Variants in KATNAL1 observed in about 807,000 individuals in gnomAD.
KATNAL1 encodes the protein katanin p60 ATPase-containing subunit A-like 1.
KATNAL1 carries 32 observed loss-of-function variants against 55.2 expected under a neutral mutation model. The ratio of observed to expected loss-of-function variants is 0.58; its 90% CI spans 0.44 to 0.78. KATNAL1 has a LOEUF of 0.78. Among genes scored for constraint, KATNAL1 ranks in the 30% least tolerant of loss-of-function variants. The probability of loss-of-function intolerance (pLI) is 0.00; values close to 1 mark genes in which losing one functional copy is unlikely to be tolerated. For synonymous variants in KATNAL1, 193 were observed against 193.6 expected (o/e 1.00, Z 0.02); for missense variants, 466 against 600.9 (o/e 0.78, Z 2.35).
At chr13:30,267,926 G>C (rs755576031) in intron 3 of KATNAL1, among the ~76,000 whole-genome samples, 2 of 152,178 alleles carry the variant, frequency 1.3e-5, no homozygotes, top group Non-Finnish European at 2.9e-5. Context: ...AAGTTGAATT[G>C]AGACTACCAC....
intron 3 of KATNAL1, among the ~76,000 whole-genome samples, chr13:30,274,952 C>CACACACACAG (rs1555265663): frequency 2.8e-5 from 4 of 144,490 alleles, no homozygotes; most frequent in African/African-American, 1.1e-4. Flanking sequence ...CACACACACA[C>CACACACACAG]AGGAATATTA....
chr13:30,219,898 T>C (rs747563468), intron 9 of KATNAL1, among the ~76,000 whole-genome samples: 1 of 152,208 alleles, frequency 6.6e-6, no homozygotes, highest in Non-Finnish European at 1.5e-5. Context: ...TATACCAATA[T>C]AAAGTATGTC....
intron 3 of KATNAL1, among the ~76,000 whole-genome samples, chr13:30,270,237 C>T (rs866645406): frequency 1.4e-4 from 19 of 138,818 alleles, no homozygotes; most frequent in East Asian, 1.1e-3. Flanking sequence ...CCGCCCCGTC[C>T]GGGAGGGAGG....
intron 9 of KATNAL1, among the ~76,000 whole-genome samples, chr13:30,217,322 C>T (rs528113054): frequency 1.6e-3 from 246 of 152,088 alleles, no homozygotes; most frequent in African/African-American, 5.6e-3. Flanking sequence ...GGCGTGGTGG[C>T]GGACAACTGT....
chr13:30,283,463 T>G (rs1429956008), intron 2 of KATNAL1, among the ~76,000 whole-genome samples, 153 bp downstream of exon 2: 1 of 152,058 alleles, frequency 6.6e-6, no homozygotes, highest in Non-Finnish European at 1.5e-5. Context: ...TACTAGAAAA[T>G]TATTCAAGAG....
chr13:30,293,081 G>A (rs765723978), intron 1 of KATNAL1, among the ~76,000 whole-genome samples: 6 of 151,860 alleles, frequency 4.0e-5, no homozygotes, highest in Non-Finnish European at 5.9e-5. Flanking sequence ...TCCATTTTAG[G>A]AAATATTCTG....
At position 30,270,923 on chromosome 13, in the gene KATNAL1, A is replaced by G. The variant is rs543812208; in HGVS notation, c.323+9140T>C. Among the ~76,000 whole-genome samples, 9 of 151,246 alleles carry G rather than the reference A, an allele frequency of 6.0e-5. No homozygotes were observed. The East Asian group carries it at 1.5e-3, about 26-fold the overall frequency. On this transcript the variant is annotated intron_variant, in intron 3 of 10. Transcript: ENST00000380615. ...GAATGATCAATAAACAAAAAATAAT[A>G]AAATAAAAAAAAAAAAAGAAAAATA...
At position 30,275,454 on chromosome 13, in the gene KATNAL1, T is replaced by C. The variant is rs114327350; in HGVS notation, c.323+4609A>G. The stretch of plus-strand genomic sequence containing the variant: ...CAACAATGGAGGTCACATTTCAACA[T>C]GGGATTAATGGGACAAACATCAAAA... On this transcript the variant is annotated intron_variant, in intron 3 of 10. Transcript: ENST00000380615. 2.5e-3 allele frequency among the ~76,000 whole-genome samples: 378 copies of C among 152,258 alleles called. 1 individual carries two copies. The highest frequency in any genetic ancestry group is 8.7e-3 in the African/African-American group (363 of 41,540).
At chr13:30,210,518 T>G (rs1685143508) in intron 9 of KATNAL1, 76 bp from the exon 10 acceptor site, 30 of 1,405,914 alleles carry the variant, frequency 2.1e-5, no homozygotes, top group Non-Finnish European at 2.6e-5. Context: ...CATATTAACA[T>G]TTGGGGGAAA....
intron 6 of KATNAL1, among the ~76,000 whole-genome samples, chr13:30,239,840 C>T (rs1040309991): frequency 1.3e-5 from 2 of 151,954 alleles, no homozygotes; most frequent in Non-Finnish European, 2.9e-5. Flanking sequence ...CATGCACCAC[C>T]ACGCCCAGCT....
chr13:30,208,596 A>G lies in KATNAL1; in HGVS notation c.1417T>C (p.Ser473Pro), dbSNP rs1256036984. Reference protein sequence around the residue: ...LALKKIAKSVSAADLEKYEKW... With the variant: ...LALKKIAKSVPAADLEKYEKW... ...TCATACTTCTCCAAGTCTGCAGCAG[A>G]GACAGACTTAGCAATTTTCTTTAGG... The change falls in exon 11 of 11, where the codon TCT becomes CCT. Residue 473 changes from serine (S) to proline (P), a missense_variant. Around this residue, in one of 3 missense-constraint regions of KATNAL1, gnomAD observed 213 missense variants for 308.6 expected, o/e 0.69. Transcript: ENST00000380615. 2 of 1,613,354 alleles carry G rather than the reference A, an allele frequency of 1.2e-6. No individual in the cohort carries two copies. Among genetic ancestry groups the G allele is most frequent in the Non-Finnish European group, 1.7e-6 (2 of 1,179,628 alleles).
At chr13:30,274,901 GCGCGCGCA>G (rs1158601796) in intron 3 of KATNAL1, among the ~76,000 whole-genome samples, 5,528 of 111,046 alleles carry the variant, frequency 0.05, 120 homozygotes, top group South Asian at 0.077. Context: ...ACGCGCGCGC[GCGCGCGCA>G]CACACACACA....
At position 30,248,198 on chromosome 13, in the gene KATNAL1, G is replaced by A. The variant is rs182576855; in HGVS notation, c.493-7112C>T. Among the ~76,000 whole-genome samples, 26 of 152,228 alleles carry A rather than the reference G, an allele frequency of 1.7e-4. 1 individual carries two copies. The highest frequency in any genetic ancestry group is 5.9e-4 in the Admixed American group (9 of 15,284). On this transcript the variant is annotated intron_variant, in intron 4 of 10. Coordinates refer to ENST00000380615, the MANE Select transcript of KATNAL1 (RefSeq NM_032116.5). ...GAATAAGAGGTTAAAATATTTGAAT[G>A]CAACTCTTCCTATGACCTAAGACTC... is the stretch of plus-strand genomic sequence containing the variant.
At chr13:30,248,674 C>T (rs978294984) in intron 4 of KATNAL1, among the ~76,000 whole-genome samples, 1 of 152,228 alleles carries the variant, frequency 6.6e-6, no homozygotes, top group African/African-American at 2.4e-5. Context: ...CCTGGATTCC[C>T]AGCACTTTGG....
intron 1 of KATNAL1, among the ~76,000 whole-genome samples, chr13:30,290,992 G>A (rs551145146): frequency 2.0e-5 from 3 of 152,178 alleles, no homozygotes; most frequent in Non-Finnish European, 2.9e-5. Flanking sequence ...CCTACGGCTA[G>A]CATATGTATT....
At chr13:30,232,202 G>T (rs995505133) in intron 6 of KATNAL1, among the ~76,000 whole-genome samples, 1 of 152,010 alleles carries the variant, frequency 6.6e-6, no homozygotes, top group African/African-American at 2.4e-5. Context: ...AAAAACTAAT[G>T]GGTTCTTAAA....
chr13:30,275,881 C>T (rs1206774177), intron 3 of KATNAL1, among the ~76,000 whole-genome samples: 3 of 151,740 alleles, frequency 2.0e-5, no homozygotes, highest in African/African-American at 7.3e-5. Context: ...GAAAAAAGGA[C>T]CTACCATATT....
Position 30,240,950 on chromosome 13 carries a change from G to C in KATNAL1, c.620+9C>G. 6.2e-7 allele frequency: 1 copy of C among 1,604,374 alleles called. No homozygotes were observed. The highest frequency in any genetic ancestry group is 8.5e-7 in the Non-Finnish European group (1 of 1,177,140). On this transcript the variant is annotated intron_variant, in intron 5 of 10. Coordinates refer to ENST00000380615, the MANE Select transcript of KATNAL1 (RefSeq NM_032116.5). ...TCTACTTTAATTCAATAATTTGAAAGACTCTAACCAATGAATGCTAGGATT... is the reference window on the plus strand; with the variant it reads ...TCTACTTTAATTCAATAATTTGAAACACTCTAACCAATGAATGCTAGGATT...
intron 3 of KATNAL1, among the ~76,000 whole-genome samples, chr13:30,270,248 T>TG (rs1164161597): frequency 8.9e-4 from 88 of 98,990 alleles, no homozygotes; most frequent in African/African-American, 3.0e-3. Context: ...GGGAGGGAGG[T>TG]TGGGGGGTCA....
Sources: allele counts gnomAD v4.1 joint callset (sites outside exome capture counted in the v4.1 genomes callset), GRCh38; gene constraint gnomAD v4.1.1; regional missense constraint gnomAD v4.1.1; transcripts MANE v1.5; gene names NCBI Gene and HGNC (gene_info 2026-07-23, HGNC 2026-07-21).